SLC24A3: variants seen among roughly 807,000 people sequenced by gnomAD.
SLC24A3 encodes sodium/potassium/calcium exchanger 3.
In SLC24A3, 28 loss-of-function variants were observed where a neutral mutation model predicts 75.8. That is an observed-to-expected ratio of 0.37 (90% CI 0.27 to 0.51). SLC24A3 has a LOEUF of 0.51. SLC24A3 is among the 20% of genes least tolerant of loss of function. SLC24A3 has a pLI of 0.94. For missense variants in SLC24A3, 663 were observed against 847.8 expected, an observed-to-expected ratio of 0.78 and a Z score of 2.71; for synonymous variants, 372 against 334.1, an observed-to-expected ratio of 1.11 and a Z score of -1.24.
intron 2 of SLC24A3, among the ~76,000 whole-genome samples, chr20:19,382,622 G>A (rs764736585): frequency 6.6e-6 from 1 of 152,030 alleles, no homozygotes; most frequent in Non-Finnish European, 1.5e-5. Context: ...CTGTCTCTCT[G>A]GCTGTGCCAG....
intron 2 of SLC24A3, among the ~76,000 whole-genome samples, chr20:19,358,921 T>C (rs910925389): frequency 6.6e-6 from 1 of 152,192 alleles, no homozygotes; most frequent in Non-Finnish European, 1.5e-5. Flanking sequence ...GTTTTCAGGG[T>C]TCATCCATTT....
chr20:19,395,747 G>C (rs1036869474), intron 2 of SLC24A3, among the ~76,000 whole-genome samples: 73 of 152,280 alleles, frequency 4.8e-4, no homozygotes, highest in African/African-American at 1.7e-3. Context: ...GCAGAAAGAG[G>C]GGATCATAGC....
At chr20:19,639,666 T>C (rs6106114) in intron 6 of SLC24A3, among the ~76,000 whole-genome samples, 98,187 of 152,154 alleles carry the variant, frequency 0.65, 32,615 homozygotes, top group African/African-American at 0.77. Context: ...TGGGACTGGG[T>C]GCCGAGGAGC....
intron 6 of SLC24A3, among the ~76,000 whole-genome samples, chr20:19,614,449 T>C (rs777801061): frequency 2.6e-5 from 4 of 152,250 alleles, no homozygotes; most frequent in Non-Finnish European, 4.4e-5. Context: ...CATCCTCTCC[T>C]GGAAGCTGTC....
At chr20:19,282,798 G>T (rs556665526) in intron 2 of SLC24A3, among the ~76,000 whole-genome samples, 1 of 152,326 alleles carries the variant, frequency 6.6e-6, no homozygotes, top group East Asian at 1.9e-4. Flanking sequence ...TTGCTGGGGT[G>T]TGTTTTGGGG....
At chr20:19,266,793 GA>G (rs1983180137) in intron 1 of SLC24A3, among the ~76,000 whole-genome samples, 1 of 152,160 alleles carries the variant, frequency 6.6e-6, no homozygotes, top group Admixed American at 6.5e-5. Flanking sequence ...TGTACAGCTG[GA>G]ATGGACTATG....
At chr20:19,565,797 T>G (rs2030948703) in intron 3 of SLC24A3, among the ~76,000 whole-genome samples, 1 of 152,194 alleles carries the variant, frequency 6.6e-6, no homozygotes, top group Non-Finnish European at 1.5e-5. Context: ...TGGAGTCTAC[T>G]GAGAGTGGAG....
At chr20:19,627,376 A>G (rs1600309253) in intron 6 of SLC24A3, among the ~76,000 whole-genome samples, 2 of 152,180 alleles carry the variant, frequency 1.3e-5, no homozygotes, top group Admixed American at 1.3e-4. Context: ...GTATTTCCAC[A>G]TGTAAGATGT....
At chr20:19,520,168 G>A (rs1277376257) in intron 3 of SLC24A3, among the ~76,000 whole-genome samples, 1 of 152,196 alleles carries the variant, frequency 6.6e-6, no homozygotes, top group Admixed American at 6.5e-5. Context: ...TGTTTGGTAG[G>A]AGGGCTGCTA....
At chr20:19,587,337 G>C (rs768274737) in intron 6 of SLC24A3, among the ~76,000 whole-genome samples, 4 of 152,166 alleles carry the variant, frequency 2.6e-5, no homozygotes, top group Non-Finnish European at 4.4e-5. Context: ...TAGTAACGCG[G>C]TTCATCCCAG....
In SLC24A3 at chr20:19,352,253, T is replaced by C. The variant is rs144890848; in HGVS notation, c.271+71166T>C. The stretch of plus-strand genomic sequence containing the variant: ...GAAAGCCCCCAGGGCAGAGTGGGGG[T>C]ACAGCCTTCGATGAGGCCCTATCCA... On this transcript the variant is annotated intron_variant, in intron 2 of 16. Transcript: ENST00000328041. 3.6e-3 allele frequency among the ~76,000 whole-genome samples: 555 copies of C among 152,186 alleles called. 7 individuals carry two copies. The highest frequency in any genetic ancestry group is 0.013 in the African/African-American group (520 of 41,522).
At position 19,368,318 on chromosome 20, in the gene SLC24A3, A is replaced by G. The variant is rs112771662; in HGVS notation, c.271+87231A>G. ...TACAGCCAGAGAGAACATGGGGCAG[A>G]CAGAGTTAAAAGCAGCAAACCAAGA... On this transcript the variant is annotated intron_variant, in intron 2 of 16. Transcript: ENST00000328041. Among the ~76,000 whole-genome samples the G allele has an allele frequency of 5.4e-3, 815 of 152,300 alleles. 3 individuals are homozygous for G. The highest frequency in any genetic ancestry group is 0.019 in the African/African-American group (785 of 41,556).
intron 4 of SLC24A3, among the ~76,000 whole-genome samples, chr20:19,583,296 G>C (rs2031245636): frequency 6.6e-6 from 1 of 152,168 alleles, no homozygotes; most frequent in African/African-American, 2.4e-5. Flanking sequence ...GCCCTTAGAG[G>C]GAAGGTGTCA....
At chr20:19,391,676 T>C (rs1293713471) in intron 2 of SLC24A3, among the ~76,000 whole-genome samples, 7 of 152,176 alleles carry the variant, frequency 4.6e-5, no homozygotes, top group Non-Finnish European at 8.8e-5. Context: ...GAACACTGCA[T>C]TTTTAGCTAT....
chr20:19,338,926 T>C (rs1330306251), intron 2 of SLC24A3, among the ~76,000 whole-genome samples: 1 of 152,122 alleles, frequency 6.6e-6, no homozygotes, highest in Non-Finnish European at 1.5e-5. Flanking sequence ...CTCTATTACC[T>C]TTTTTTAAGG....
chr20:19,408,441 G>A (rs1393073892), intron 2 of SLC24A3, among the ~76,000 whole-genome samples: 1 of 149,476 alleles, frequency 6.7e-6, no homozygotes, highest in Non-Finnish European at 1.5e-5. Flanking sequence ...CCAGCCTGGA[G>A]TGCAGTGGCA....
At chr20:19,512,870 G>GTTGATGA (rs2029910488) in intron 2 of SLC24A3, among the ~76,000 whole-genome samples, 1 of 152,044 alleles carries the variant, frequency 6.6e-6, no homozygotes, top group Non-Finnish European at 1.5e-5. Flanking sequence ...TGTACCCCTC[G>GTTGATGA]TTGATGATTG....
intron 2 of SLC24A3, among the ~76,000 whole-genome samples, chr20:19,414,155 A>G (rs1986791181): frequency 6.6e-6 from 1 of 152,190 alleles, no homozygotes; most frequent in Non-Finnish European, 1.5e-5. Context: ...TTCTAAAATG[A>G]TGGTCGAAGA....
intron 3 of SLC24A3, among the ~76,000 whole-genome samples, chr20:19,535,143 G>C (rs1389283593): frequency 6.6e-6 from 1 of 152,222 alleles, no homozygotes; most frequent in Non-Finnish European, 1.5e-5. Context: ...CTCATTAATT[G>C]ATCTCAGCTC....
Sources: gnomAD v4.1 joint callset for allele counts (sites outside exome capture counted in the v4.1 genomes callset) on GRCh38, gnomAD v4.1.1 for gene constraint, MANE v1.5 for transcripts, NCBI Gene and HGNC (gene_info 2026-07-23, HGNC 2026-07-21) for gene names.